XPO4: variants seen among roughly 807,000 people sequenced by gnomAD.
XPO4 encodes exportin 4.
Under a neutral mutation model 143.0 loss-of-function variants are expected in XPO4, and 39 were observed. The observed-to-expected ratio is 0.27, with a 90% CI of 0.21 to 0.36. XPO4 has a LOEUF of 0.36. Ranked by LOEUF, XPO4 falls within the 10% of genes least tolerant of loss-of-function variation. The pLI, the probability that XPO4 is intolerant of heterozygous loss-of-function variation, is 1.00. For missense variants in XPO4, 907 were observed against 1,348.0 expected (o/e 0.67, Z 5.12); for synonymous variants, 439 against 474.0 (o/e 0.93, Z 0.96).
chr13:20,784,743 G>A (rs2059179780), intron 22 of XPO4, among the ~76,000 whole-genome samples: 1 of 152,130 alleles, frequency 6.6e-6, no homozygotes, highest in East Asian at 1.9e-4. Context: ...GGGAATTTGA[G>A]ACCAGCCTGA....
At chr13:20,865,225 GC>G (rs1240425098) in intron 2 of XPO4, among the ~76,000 whole-genome samples, 1 of 150,564 alleles carries the variant, frequency 6.6e-6, no homozygotes, top group Admixed American at 6.7e-5. Flanking sequence ...CACAACCTCT[GC>G]CTCCCGGGTT....
At chr13:20,862,302 A>G (rs2060209080) in intron 3 of XPO4, among the ~76,000 whole-genome samples, 2 of 152,138 alleles carry the variant, frequency 1.3e-5, no homozygotes, top group South Asian at 4.1e-4. Flanking sequence ...TCACAACTCA[A>G]CAACAACAAC....
intron 1 of XPO4, among the ~76,000 whole-genome samples, chr13:20,880,047 T>C (rs902136442): frequency 1.3e-5 from 2 of 152,100 alleles, no homozygotes; most frequent in African/African-American, 4.8e-5. Flanking sequence ...ACAGACATAT[T>C]AGAAAATAAC....
chr13:20,859,582 A>G (rs1476367993), intron 3 of XPO4, among the ~76,000 whole-genome samples: 2 of 149,218 alleles, frequency 1.3e-5, no homozygotes, highest in Non-Finnish European at 3.0e-5. Flanking sequence ...CCTGGATGAC[A>G]GACCGAGACT....
chr13:20,859,444 C>CA (rs2060176096), intron 3 of XPO4, among the ~76,000 whole-genome samples: 1 of 151,906 alleles, frequency 6.6e-6, no homozygotes, highest in African/African-American at 2.4e-5. Flanking sequence ...ACTAAAAATA[C>CA]AAAAAATTAG....
intron 6 of XPO4, among the ~76,000 whole-genome samples, chr13:20,834,181 A>G (rs2059888174): frequency 6.6e-6 from 1 of 152,168 alleles, no homozygotes. Flanking sequence ...GCACATAGAA[A>G]AGCTACATAT....
At chr13:20,793,399 C>T (rs1315036999) in intron 18 of XPO4, among the ~76,000 whole-genome samples, 1 of 152,100 alleles carries the variant, frequency 6.6e-6, no homozygotes, top group African/African-American at 2.4e-5. Context: ...CTTTTCGCTG[C>T]TTTTATTTTG....
intron 1 of XPO4, among the ~76,000 whole-genome samples, chr13:20,879,948 C>T (rs546544620): frequency 7.9e-5 from 12 of 152,202 alleles, no homozygotes; most frequent in African/African-American, 2.7e-4. Context: ...ACATAAATAG[C>T]CAAGAAGCAC....
chr13:20,841,100 A>G (rs2138053949), intron 6 of XPO4, among the ~76,000 whole-genome samples: 1 of 152,276 alleles, frequency 6.6e-6, no homozygotes, highest in Non-Finnish European at 1.5e-5. Context: ...TTCCCTTAAA[A>G]CAGACACTTT....
Position 20,809,861 on chromosome 13 carries a change from T to C in XPO4, c.1280A>G (p.Gln427Arg), listed in dbSNP as rs768739231. ...GGAATTGAAAACTTGAACTGCATGT[T>C]GGGTAAAAAAGCCTTTATGGAAATG... Reference protein sequence around the residue: ...DKHFHKGFFTQHAVQVFNSYI... With the variant: ...DKHFHKGFFTRHAVQVFNSYI... Residue 427 changes from glutamine (Q) to arginine (R), a missense_variant, in exon 10 of 23, where the codon CAA becomes CGA. By Grantham distance (43) the Gln-to-Arg change is conservative. Transcript: ENST00000255305. The C allele has an allele frequency of 4.3e-6, 7 of 1,613,980 alleles. No individual in the cohort carries two copies. The South Asian group carries it at 7.7e-5, about 18-fold the overall frequency.
At chr13:20,819,066 G>A (rs541579857) in intron 9 of XPO4, among the ~76,000 whole-genome samples, 23 of 152,020 alleles carry the variant, frequency 1.5e-4, no homozygotes, top group Admixed American at 3.3e-4. Flanking sequence ...CAGGCAATCC[G>A]CCTGCCTCAG....
chr13:20,831,195 A>G (rs1290690914), intron 6 of XPO4, among the ~76,000 whole-genome samples: 1 of 152,156 alleles, frequency 6.6e-6, no homozygotes, highest in East Asian at 1.9e-4. Context: ...TACCACCAGA[A>G]TTCAGAAATC....
chr13:20,806,539 CTTTTTTTTTTTTTTT>C (rs3056347), intron 13 of XPO4, among the ~76,000 whole-genome samples: 83 of 61,652 alleles, frequency 1.3e-3, no homozygotes, highest in African/African-American at 5.6e-3. Flanking sequence ...TTTCAGGACC[CTTTTTTTTTTTTTTT>C]TTTTTTTTTT....
intron 9 of XPO4, among the ~76,000 whole-genome samples, chr13:20,813,773 C>G (rs1015714433): frequency 1.3e-5 from 2 of 152,222 alleles, no homozygotes; most frequent in African/African-American, 2.4e-5. Flanking sequence ...GCCTGGCCAA[C>G]ATGGCGAAAC....
At chr13:20,785,857 C>T (rs542711648) in intron 22 of XPO4, among the ~76,000 whole-genome samples, 11 of 72,880 alleles carry the variant, frequency 1.5e-4, no homozygotes, top group Middle Eastern at 0.011. Flanking sequence ...TGGAAGGGAA[C>T]GGGGGAGGAA....
intron 3 of XPO4, among the ~76,000 whole-genome samples, chr13:20,858,521 TCTGGCCTGG>T (rs1231002531): frequency 6.6e-6 from 1 of 152,086 alleles, no homozygotes; most frequent in Non-Finnish European, 1.5e-5. Context: ...ACCACCACAT[TCTGGCCTGG>T]GCAACACAGC....
intron 2 of XPO4, among the ~76,000 whole-genome samples, chr13:20,864,222 A>G (rs1444479726): frequency 6.7e-6 from 1 of 150,194 alleles, no homozygotes; most frequent in African/African-American, 2.5e-5. Flanking sequence ...TTAAAACTCT[A>G]GGAGTTAAAA....
In XPO4 at chr13:20,882,126, AAG is replaced by A. The variant is rs1491510134; in HGVS notation, c.70-13427_70-13426del. ...CTCGGTCTCAAAAAAAAAAAAAAAA[AAG>A]AAAGAAAGAAAAGAAAATTGGGAAA... On this transcript the variant is annotated intron_variant, in intron 1 of 22. Coordinates refer to ENST00000255305, the MANE Select transcript of XPO4 (RefSeq NM_022459.5). Among the ~76,000 whole-genome samples the A allele has an allele frequency of 1.3e-4, 19 of 144,628 alleles. 2 individuals carry two copies. The highest frequency in any genetic ancestry group is 4.9e-4 in the African/African-American group (18 of 36,596). 94.9% of individuals were successfully genotyped at this position (144,628 alleles called of 152,430 possible).
chr13:20,814,183 C>A (rs1327205693), intron 9 of XPO4, among the ~76,000 whole-genome samples: 2 of 138,676 alleles, frequency 1.4e-5, no homozygotes, highest in Non-Finnish European at 3.1e-5. Flanking sequence ...CTCTGACTCA[C>A]CCAGTCTCCA....
Sources: allele counts gnomAD v4.1 joint callset (sites outside exome capture counted in the v4.1 genomes callset), GRCh38; gene constraint gnomAD v4.1.1; transcripts MANE v1.5; gene names NCBI Gene and HGNC (gene_info 2026-07-23, HGNC 2026-07-21).